The following UPF2 variants were observed in gnomAD, a reference collection of about 807,000 sequenced individuals.
The protein encoded by UPF2 is regulator of nonsense transcripts 2.
A neutral mutation model predicts 141.4 loss-of-function variants in UPF2; 17 were observed. That is an observed-to-expected ratio of 0.12 (90% confidence interval 0.08 to 0.18). The LOEUF (loss-of-function observed/expected upper bound fraction) is 0.18, where lower values mean the gene tolerates loss of function less well. UPF2 is among the 10% of genes least tolerant of loss of function. UPF2 has a pLI of 1.00. For synonymous variants in UPF2, 540 were observed against 498.0 expected, an observed-to-expected ratio of 1.08 and a Z score of -1.12; for missense variants, 1,152 against 1,515.9, an observed-to-expected ratio of 0.76 and a Z score of 3.99.
intron 15 of UPF2, among the ~76,000 whole-genome samples, chr10:11,951,811 GT>G (rs111475822): frequency 2.1e-4 from 32 of 152,078 alleles, no homozygotes; most frequent in African/African-American, 4.1e-4. Flanking sequence ...AGGATTGTGG[GT>G]TTTTTTTCCC....
intron 5 of UPF2, among the ~76,000 whole-genome samples, chr10:12,003,379 T>C (rs1833983365): frequency 6.6e-6 from 1 of 151,924 alleles, no homozygotes; most frequent in Non-Finnish European, 1.5e-5. Flanking sequence ...ATGCATAAGG[T>C]AGTCAAATAG....
chr10:11,948,639 G>A, intron 15 of UPF2, 131 bp from the exon 16 acceptor site: 2 of 1,073,200 alleles, frequency 1.9e-6, no homozygotes, highest in East Asian at 4.9e-5. Context: ...AAAGGTAAAA[G>A]AATTAAAAAC....
intron 11 of UPF2, among the ~76,000 whole-genome samples, chr10:11,963,008 A>G (rs1178653969): frequency 6.6e-6 from 1 of 151,944 alleles, no homozygotes; most frequent in East Asian, 1.9e-4. Context: ...TCAATTCTCT[A>G]TTTATTTGTC....
chr10:12,039,140 T>C (rs1245427133), intron 1 of UPF2, among the ~76,000 whole-genome samples: 3 of 152,228 alleles, frequency 2.0e-5, no homozygotes, highest in Non-Finnish European at 4.4e-5. Context: ...TTATCTCATT[T>C]AATACTAAAA....
At chr10:11,988,712 C>A (rs1404357284) in intron 8 of UPF2, among the ~76,000 whole-genome samples, 1 of 152,142 alleles carries the variant, frequency 6.6e-6, no homozygotes, top group African/African-American at 2.4e-5. Flanking sequence ...TGCCCCCTCT[C>A]CCAAAGTGTT....
rs781230979 is a variant in UPF2, at chr10:11,979,935, A to G, written c.1845-770T>C. On this transcript the variant is annotated intron_variant, in intron 8 of 21. Coordinates refer to ENST00000357604, the MANE Select transcript of UPF2 (RefSeq NM_015542.4). This position sits in a 1 kb window ranked among gnomAD's most constrained non-coding sequence, Gnocchi z 6.2. ...TGAATGAATGAATGAATGGTACTCA[A>G]TAACTGAAAAAACCTCTACGAAGGC... Among the ~76,000 whole-genome samples the G allele has an allele frequency of 2.6e-5, 4 of 152,216 alleles. No homozygotes were observed. The highest frequency in any genetic ancestry group is 7.2e-5 in the African/African-American group (3 of 41,452).
intron 21 of UPF2, among the ~76,000 whole-genome samples, chr10:11,927,929 A>T (rs1177768006): frequency 6.6e-6 from 1 of 151,438 alleles, no homozygotes; most frequent in Non-Finnish European, 1.5e-5. Flanking sequence ...TCATGATCTA[A>T]TTCTGCCAGC....
intron 8 of UPF2, among the ~76,000 whole-genome samples, chr10:11,989,217 T>A (rs376145497): frequency 2.2e-4 from 33 of 152,316 alleles, no homozygotes; most frequent in African/African-American, 7.5e-4. Flanking sequence ...TGAGAAAGTT[T>A]AATTTAAACC....
intron 21 of UPF2, among the ~76,000 whole-genome samples, chr10:11,927,473 C>T (rs886284619): frequency 3.9e-5 from 6 of 152,124 alleles, no homozygotes; most frequent in Non-Finnish European, 8.8e-5. Flanking sequence ...GATGATGAGA[C>T]AGGAGGGAAT....
intron 3 of UPF2, among the ~76,000 whole-genome samples, chr10:12,027,678 C>T (rs985744503): frequency 2.0e-5 from 3 of 152,164 alleles, no homozygotes; most frequent in Admixed American, 1.3e-4. Flanking sequence ...GTCTTAAATT[C>T]TCACCTCTGA....
intron 18 of UPF2, among the ~76,000 whole-genome samples, chr10:11,938,853 G>GGTTTTTTTTT (rs1832889411): frequency 2.5e-5 from 2 of 79,816 alleles, no homozygotes; most frequent in Non-Finnish European, 4.7e-5. Flanking sequence ...TTTTTTTTTT[G>GGTTTTTTTTT]TTTTTTTTTT....
intron 16 of UPF2, among the ~76,000 whole-genome samples, chr10:11,944,187 A>C (rs749056834): frequency 6.6e-6 from 1 of 152,144 alleles, no homozygotes; most frequent in Non-Finnish European, 1.5e-5. Context: ...AGTTCTTAAA[A>C]TGAAAACGTT....
intron 15 of UPF2, among the ~76,000 whole-genome samples, chr10:11,949,251 T>G (rs1025759218): frequency 1.4e-4 from 21 of 152,272 alleles, no homozygotes; most frequent in Admixed American, 1.0e-3. Flanking sequence ...CACTCCTCTC[T>G]CCTAAGCCCT....
At chr10:11,938,848 TTTTTG>T (rs1420432041) in intron 18 of UPF2, among the ~76,000 whole-genome samples, 38 of 118,732 alleles carry the variant, frequency 3.2e-4, no homozygotes, top group East Asian at 1.2e-3. Context: ...GCAAGTTTTT[TTTTTG>T]TTTTTTTTTT....
Position 11,955,345 on chromosome 10 carries a change from G to A in UPF2, c.2737C>T (p.Pro913Ser), listed in dbSNP as rs1247331740. The A allele has an allele frequency of 2.5e-6, 4 of 1,614,060 alleles. No homozygotes were observed. Among genetic ancestry groups the A allele is most frequent in the African/African-American group, 1.3e-5 (1 of 74,922 alleles). Residue 913 changes from proline to serine, a missense_variant, in exon 14 of 22, where the codon CCT becomes TCT. Physicochemically the swap from Pro to Ser is moderately conservative, Grantham distance 74 (BLOSUM62 -1). Coordinates refer to ENST00000357604, the MANE Select transcript of UPF2 (RefSeq NM_015542.4). Reference sequence around the variant, plus strand: ...AGTCTAATTCTGAAAAGATGCTCAGGTGGGTCCAGGGAACTTGGAGAGCCA... The same window carrying A: ...AGTCTAATTCTGAAAAGATGCTCAGATGGGTCCAGGGAACTTGGAGAGCCA... ...PDGSPSSLDP[P>S]EHLFRIRLVC...
In UPF2 at chr10:11,959,316, G is replaced by T; in HGVS notation, c.2225C>A (p.Ala742Glu). 1 of 1,588,120 alleles carries T rather than the reference G, an allele frequency of 6.3e-7. No individual in the cohort carries two copies. Among genetic ancestry groups the T allele is most frequent in the East Asian group, 2.3e-5 (1 of 44,422 alleles). The change falls in exon 12 of 22, where the codon GCG becomes GAG. Residue 742 changes from alanine (A) to glutamate (E), a missense_variant. Ala to Glu is a moderately radical substitution (Grantham distance 107). Transcript: ENST00000357604. This position sits in a 1 kb window ranked among gnomAD's most constrained non-coding sequence, Gnocchi z 5.9. ...MRKKQAMHLD[A>E]RYVTMVENAY... is the part of the protein sequence containing the mutation. ...ATTCTCTACCATTGTGACGTATCTC[G>T]CATCAAGATGCATTGCTTGCTTCTT...
chr10:11,959,186 C>T lies in UPF2; in HGVS notation c.2355G>A (p.Lys785=), dbSNP rs757168976. 6.2e-7 allele frequency: 1 copy of T among 1,600,904 alleles called. No homozygotes were observed. The highest frequency in any genetic ancestry group is 8.5e-7 in the Non-Finnish European group (1 of 1,175,164). ...TAAGATTTACCTTCTCGGTGGTAAC[C>T]TTAGAGAGATCCTTGTACAAAAGTT... The part of the protein sequence containing the change: ...VRKLLYKDLS[K]VTTEKVLRQM... The change falls in exon 12 of 22, where the codon AAG becomes AAA. Residue 785 remains lysine (K), a synonymous_variant. Transcript: ENST00000357604. This position sits in a 1 kb window ranked among gnomAD's most constrained non-coding sequence, Gnocchi z 5.9.
intron 8 of UPF2, among the ~76,000 whole-genome samples, chr10:11,990,775 T>C (rs1833766193): frequency 6.6e-6 from 1 of 150,608 alleles, no homozygotes; most frequent in Non-Finnish European, 1.5e-5. Flanking sequence ...GATCACTAGG[T>C]CAGGAGATCG....
At chr10:12,030,465 C>T (rs1411509429) in intron 2 of UPF2, among the ~76,000 whole-genome samples, 3 of 151,690 alleles carry the variant, frequency 2.0e-5, no homozygotes, top group Admixed American at 1.3e-4. Context: ...ACCTGGGAGT[C>T]GGAGACTGAT....
Sources: gnomAD v4.1 joint callset for allele counts (sites outside exome capture counted in the v4.1 genomes callset) on GRCh38, gnomAD v4.1.1 for gene constraint, Gnocchi (gnomAD v3.1) non-coding constraint, MANE v1.5 for transcripts, NCBI Gene and HGNC (gene_info 2026-07-23, HGNC 2026-07-21) for gene names.